The following MORN5 variants were observed in gnomAD, a reference collection of about 807,000 sequenced individuals.
MORN5 encodes MORN repeat containing 5.
A neutral mutation model predicts 22.1 loss-of-function variants in MORN5; 21 were observed. That is an observed-to-expected ratio of 0.95 (90% confidence interval 0.67 to 1.37). The LOEUF (loss-of-function observed/expected upper bound fraction) is 1.37, where lower values mean the gene tolerates loss of function less well. Ranked by LOEUF, MORN5 falls within the 40% of genes most tolerant of loss-of-function variation. The pLI is 0.00. For synonymous variants in MORN5, 73 were observed against 74.0 expected (o/e 0.99, Z 0.07); for missense variants, 211 against 215.1 (o/e 0.98, Z 0.12).
Position 122,174,866 on chromosome 9 carries a change from CACTGAAAGGATTAAGGT to C in MORN5, c.439+243_439+259del, listed in dbSNP as rs140256537. Reference sequence around the variant, plus strand: ...TAGCAGTGACGGCACATAAATGTCGCACTGAAAGGATTAAGGTACTTATTTTTGTATGCATTCCTTCG... The same window carrying C: ...TAGCAGTGACGGCACATAAATGTCGCACTTATTTTTGTATGCATTCCTTCG... On this transcript the variant is annotated intron_variant, in intron 4 of 4. Coordinates refer to ENST00000373764, the MANE Select transcript of MORN5 (RefSeq NM_198469.4). The C allele has an allele frequency of 1.6e-3, 2,164 of 1,328,320 alleles. 21 individuals carry two copies. The African/African-American group carries it at 0.028, about 17-fold the overall frequency. 82.3% of individuals were successfully genotyped at this position (1,328,320 alleles called of 1,614,324 possible).
rs572440389 is a variant in MORN5 at position 122,191,933 on chromosome 9, C to T, written c.440-7952C>T. Among the ~76,000 whole-genome samples the T allele has an allele frequency of 2.0e-4, 30 of 152,342 alleles. No individual in the cohort carries two copies. In the East Asian group the frequency reaches 3.5e-3, roughly 18 times the overall value. On this transcript the variant is annotated intron_variant, in intron 4 of 4. Transcript: ENST00000373764. ...GTGTCCTGAGCGAGTCCCTTAAGGACGCTCCCTTACAGGCATCCATTTTGG... is the reference window on the plus strand; with the variant it reads ...GTGTCCTGAGCGAGTCCCTTAAGGATGCTCCCTTACAGGCATCCATTTTGG...
chr9:122,178,086 A>C (rs556867416), intron 4 of MORN5, among the ~76,000 whole-genome samples: 1 of 152,362 alleles, frequency 6.6e-6, no homozygotes, highest in South Asian at 2.1e-4. Context: ...CTAGCCAGGC[A>C]TGGTGGCTTG....
chr9:122,173,419 A>G (rs1829394801), intron 3 of MORN5, among the ~76,000 whole-genome samples: 1 of 152,214 alleles, frequency 6.6e-6, no homozygotes, highest in Non-Finnish European at 1.5e-5. Context: ...AGTAGTCATT[A>G]GCCAGTACAT....
At chr9:122,167,381 G>C (rs1288187540) in intron 2 of MORN5, among the ~76,000 whole-genome samples, 1 of 65,664 alleles carries the variant, frequency 1.5e-5, no homozygotes, top group Non-Finnish European at 3.9e-5. Context: ...TTTTGAAAAC[G>C]AGTCTCTGTC....
chr9:122,164,465 C>A, intron 1 of MORN5: 1 of 560,320 alleles, frequency 1.8e-6, no homozygotes, highest in Non-Finnish European at 2.3e-6. Context: ...CCAGTCCCGT[C>A]CAGAGATGGC....
At position 122,199,886 on chromosome 9, in the gene MORN5, T is replaced by A; in HGVS notation, c.441T>A (p.Asp147Glu). 6.2e-7 allele frequency: 1 copy of A among 1,613,894 alleles called. No individual in the cohort carries two copies. The highest frequency in any genetic ancestry group is 1.1e-5 in the South Asian group (1 of 91,076). ...CCAGCTCTTCCTCTTTCCTTGCAGA[T>A]GATGACGAGCATGAGTGGATCACCC... ...DYRNRFLRNA[D>E]DDEHEWITRT... Residue 147 changes from aspartate (D) to glutamate (E), a missense_variant and splice_region_variant, in exon 5 of 5, where the codon GAT becomes GAA. Transcript: ENST00000373764.
rs369030878 is a variant in MORN5, at chr9:122,176,168, A to ACTGGAAT, written c.439+1543_439+1549dup. 2.7e-4 allele frequency among the ~76,000 whole-genome samples: 41 copies of ACTGGAAT among 151,272 alleles called. 1 individual carries two copies. Among genetic ancestry groups the ACTGGAAT allele is most frequent in the African/African-American group, 9.5e-4 (39 of 41,242 alleles). On this transcript the variant is annotated intron_variant, in intron 4 of 4. Coordinates refer to ENST00000373764, the MANE Select transcript of MORN5 (RefSeq NM_198469.4). ...AGGAGAATTGTCAGCTGATCCTATG[A>ACTGGAAT]CTGGAATCCTGGAGCTAAGATGCCC...
At chr9:122,194,968 T>C (rs4837945) in intron 4 of MORN5, among the ~76,000 whole-genome samples, 76,197 of 150,986 alleles carry the variant, frequency 0.5, 22,270 homozygotes, top group African/African-American at 0.8. Context: ...TGCAGTGAGC[T>C]GAGATCGCGC....
chr9:122,196,880 G>A (rs1356532046), intron 4 of MORN5, among the ~76,000 whole-genome samples: 3 of 151,990 alleles, frequency 2.0e-5, no homozygotes, highest in Non-Finnish European at 4.4e-5. Context: ...TTTCCCCCAT[G>A]TTGCTATACA....
chr9:122,169,418 G>A (rs559552743), intron 2 of MORN5, among the ~76,000 whole-genome samples: 2 of 152,284 alleles, frequency 1.3e-5, no homozygotes, highest in Admixed American at 6.5e-5. Flanking sequence ...AGAGTGGGTC[G>A]TCTGCCCAAG....
intron 3 of MORN5, among the ~76,000 whole-genome samples, chr9:122,174,185 T>C (rs1829408844): frequency 6.6e-6 from 1 of 152,202 alleles, no homozygotes; most frequent in South Asian, 2.1e-4. Context: ...TGACTTACCC[T>C]CAGGGTCTGT....
chr9:122,193,137 C>A (rs762929549), intron 4 of MORN5, among the ~76,000 whole-genome samples: 14 of 152,070 alleles, frequency 9.2e-5, no homozygotes, highest in South Asian at 4.1e-4. Flanking sequence ...ATTCATGGGG[C>A]CTTTAAGTAT....
chr9:122,196,849 CTTA>C (rs1829904624), intron 4 of MORN5, among the ~76,000 whole-genome samples: 1 of 151,880 alleles, frequency 6.6e-6, no homozygotes, highest in African/African-American at 2.4e-5. Flanking sequence ...TTTTCTTTTG[CTTA>C]TTATCACATC....
At position 122,166,880 on chromosome 9, in the gene MORN5, T is replaced by C. The variant is rs750930460; in HGVS notation, c.160T>C (p.Tyr54His). The C allele has an allele frequency of 6.8e-6, 11 of 1,613,896 alleles. No individual in the cohort carries two copies. Among genetic ancestry groups the C allele is most frequent in the South Asian group, 4.4e-5 (4 of 91,042 alleles). ...CCTGTACTTCCCCAGCGGAAGCCAA[T>C]ACGACGCCATTTGGGAAAACGGATT... is the stretch of plus-strand genomic sequence containing the variant. ...GTLYFPSGSQ[Y>H]DAIWENGLAI... Residue 54 changes from tyrosine (Y) to histidine (H), a missense_variant, in exon 2 of 5, where the codon TAC becomes CAC. Transcript: ENST00000373764.
rs1430813212 is a variant in MORN5, at chr9:122,166,751, T to C, written c.48-17T>C. The C allele has an allele frequency of 6.2e-7, 1 of 1,608,526 alleles. No homozygotes were observed. The highest frequency in any genetic ancestry group is 1.7e-5 in the Admixed American group (1 of 59,700). On this transcript the variant is annotated splice_polypyrimidine_tract_variant and intron_variant, in intron 1 of 4. Coordinates refer to ENST00000373764, the MANE Select transcript of MORN5 (RefSeq NM_198469.4). ...AGCTGTCACACAGGGCTCAGTGATT[T>C]CCCTGTGTCTTTACAGGATGGAGGG...
chr9:122,180,461 T>A (rs1829521197), intron 4 of MORN5, among the ~76,000 whole-genome samples: 1 of 151,950 alleles, frequency 6.6e-6, no homozygotes, highest in Non-Finnish European at 1.5e-5. Context: ...AATTTCTGTA[T>A]TTTTAGTAGA....
Position 122,200,040 on chromosome 9 carries a change from C to A in MORN5, c.*109C>A. On this transcript the variant is annotated 3_prime_UTR_variant, in exon 5 of 5. Transcript: ENST00000373764. Reference sequence around the variant, plus strand: ...CTGCCCTGGGGGACGGGCTGTAGTTCTAGAACCTGATTTTAACTCAGGAAT... The same window carrying A: ...CTGCCCTGGGGGACGGGCTGTAGTTATAGAACCTGATTTTAACTCAGGAAT... 1 of 1,049,584 alleles carries A rather than the reference C, an allele frequency of 9.5e-7. No homozygotes were observed. Among genetic ancestry groups the A allele is most frequent in the Non-Finnish European group, 1.5e-6 (1 of 678,664 alleles). 65.0% of individuals were successfully genotyped at this position (1,049,584 alleles called of 1,614,324 possible).
intron 4 of MORN5, among the ~76,000 whole-genome samples, chr9:122,184,621 C>T (rs1829585082): frequency 6.6e-6 from 1 of 152,164 alleles, no homozygotes; most frequent in African/African-American, 2.4e-5. Flanking sequence ...ATAATAATAG[C>T]CAGCATTTGC....
At chr9:122,161,243 A>C (rs1829193880) in intron 1 of MORN5, among the ~76,000 whole-genome samples, 1 of 152,226 alleles carries the variant, frequency 6.6e-6, no homozygotes, top group Non-Finnish European at 1.5e-5. Flanking sequence ...ATTCTGAGTT[A>C]ATAGGAAAGA....
Sources: gnomAD v4.1 joint callset for allele counts (sites outside exome capture counted in the v4.1 genomes callset) on GRCh38, gnomAD v4.1.1 for gene constraint, MANE v1.5 for transcripts, NCBI Gene and HGNC (gene_info 2026-07-23, HGNC 2026-07-21) for gene names.